ADAMTSL1: variants seen among roughly 807,000 people sequenced by gnomAD.
ADAMTSL1 encodes ADAMTS-like protein 1.
A neutral mutation model predicts 201.8 loss-of-function variants in ADAMTSL1; 126 were observed. The ratio of observed to expected loss-of-function variants is 0.62; its 90% CI spans 0.54 to 0.72. The LOEUF is 0.72. Ranked by LOEUF, ADAMTSL1 falls within the 30% of genes least tolerant of loss-of-function variation. ADAMTSL1 has a pLI of 0.00. For synonymous variants in ADAMTSL1, 1,121 were observed against 903.4 expected, an observed-to-expected ratio of 1.24 and a Z score of -4.32; for missense variants, 2,679 against 2,277.8, an observed-to-expected ratio of 1.18 and a Z score of -3.59.
chr9:18,368,747 T>C (rs969158015), intron 2 of ADAMTSL1, among the ~76,000 whole-genome samples: 4 of 152,252 alleles, frequency 2.6e-5, no homozygotes, highest in African/African-American at 4.8e-5. Context: ...GTGAATATGT[T>C]TGATCAGTTT....
chr9:18,869,189 C>T (rs115287293), intron 23 of ADAMTSL1, among the ~76,000 whole-genome samples: 1,560 of 152,320 alleles, frequency 0.01, 25 homozygotes, highest in African/African-American at 0.036. Flanking sequence ...GAAACAGATT[C>T]TTCTCTCACA....
chr9:18,576,351 G>C (rs1020172622), intron 4 of ADAMTSL1, among the ~76,000 whole-genome samples: 9 of 152,180 alleles, frequency 5.9e-5, no homozygotes, highest in Admixed American at 5.9e-4. Context: ...GGTAGTTTGG[G>C]AGAGAAACAT....
chr9:18,257,190 T>A (rs572134604), intron 2 of ADAMTSL1, among the ~76,000 whole-genome samples: 34 of 152,312 alleles, frequency 2.2e-4, no homozygotes, highest in African/African-American at 7.5e-4. Context: ...ATTCTTTAAA[T>A]TTTCATATTT....
chr9:18,633,974 T>A (rs1351191690), intron 5 of ADAMTSL1, among the ~76,000 whole-genome samples: 3 of 152,146 alleles, frequency 2.0e-5, no homozygotes, highest in African/African-American at 7.2e-5. Flanking sequence ...AAAATAATGT[T>A]TACAGAATAC....
intron 2 of ADAMTSL1, among the ~76,000 whole-genome samples, chr9:18,329,826 T>TAA (rs1330072559): frequency 2.6e-5 from 4 of 152,226 alleles, no homozygotes; most frequent in Non-Finnish European, 5.9e-5. Flanking sequence ...TCTTTGTTCT[T>TAA]TGCTTTGTAT....
In ADAMTSL1 at chr9:18,474,197, T is replaced by C; in HGVS notation, c.-36T>C. ...GGCAGAGGAGCACTTAGCAGCTTAT[T>C]CAGTGTCCGATTCTGATTCCGGCAA... On this transcript the variant is annotated 5_prime_UTR_variant, in exon 1 of 29. Transcript: ENST00000380548. The C allele has an allele frequency of 6.2e-7, 1 of 1,610,290 alleles. No homozygotes were observed. Among genetic ancestry groups the C allele is most frequent in the Non-Finnish European group, 8.5e-7 (1 of 1,176,706 alleles).
chr9:17,935,312 A>G (rs1309508567), intron 1 of ADAMTSL1, among the ~76,000 whole-genome samples: 1 of 152,096 alleles, frequency 6.6e-6, no homozygotes, highest in South Asian at 2.1e-4. Context: ...CCCCGGCACC[A>G]GTTCTTGGAC....
intron 1 of ADAMTSL1, among the ~76,000 whole-genome samples, chr9:18,055,101 G>A (rs1260479948): frequency 6.6e-6 from 1 of 152,140 alleles, no homozygotes; most frequent in East Asian, 1.9e-4. Flanking sequence ...GCATGCACAT[G>A]GTCTCTGCTG....
intron 22 of ADAMTSL1, among the ~76,000 whole-genome samples, chr9:18,827,201 A>C (rs1317064395): frequency 6.6e-6 from 1 of 152,132 alleles, no homozygotes; most frequent in East Asian, 1.9e-4. Context: ...TCTCAAAAAA[A>C]AGAGCAATTA....
intron 20 of ADAMTSL1, among the ~76,000 whole-genome samples, chr9:18,811,379 A>AGAG (rs1823499513): frequency 6.6e-6 from 1 of 152,160 alleles, no homozygotes. Flanking sequence ...GGGGTGGTGT[A>AGAG]GAGGAGGTCT....
At chr9:18,141,408 C>T (rs1826393542) in intron 1 of ADAMTSL1, among the ~76,000 whole-genome samples, 1 of 152,140 alleles carries the variant, frequency 6.6e-6, no homozygotes, top group South Asian at 2.1e-4. Flanking sequence ...CCCAGAACAC[C>T]AGGCCAGCTT....
At chr9:17,976,947 T>C (rs1435412139) in intron 1 of ADAMTSL1, among the ~76,000 whole-genome samples, 1 of 152,082 alleles carries the variant, frequency 6.6e-6, no homozygotes, top group African/African-American at 2.4e-5. Context: ...CTGTTGAGTA[T>C]GGTGTTAGTT....
chr9:18,436,607 C>A (rs1293840978), intron 2 of ADAMTSL1, among the ~76,000 whole-genome samples: 2 of 152,184 alleles, frequency 1.3e-5, no homozygotes, highest in Admixed American at 1.3e-4. Flanking sequence ...CTCCTTTAAA[C>A]TGCCCTTGCC....
At chr9:17,939,182 C>T (rs1300341910) in intron 1 of ADAMTSL1, among the ~76,000 whole-genome samples, 1 of 152,114 alleles carries the variant, frequency 6.6e-6, no homozygotes, top group Non-Finnish European at 1.5e-5. Context: ...CTCTTTATCT[C>T]CAAACCATTT....
chr9:18,298,187 G>A (rs1417192138), intron 2 of ADAMTSL1, among the ~76,000 whole-genome samples: 3 of 152,132 alleles, frequency 2.0e-5, no homozygotes, highest in African/African-American at 7.2e-5. Context: ...AAACTCCTGA[G>A]AGACTCCAAT....
At chr9:18,504,310 A>G (rs1289530236) in intron 1 of ADAMTSL1, among the ~76,000 whole-genome samples, 1 of 152,208 alleles carries the variant, frequency 6.6e-6, no homozygotes, top group Non-Finnish European at 1.5e-5. Context: ...GTGCATTGCT[A>G]AAGTTATTTG....
At chr9:18,428,621 C>A (rs1379326031) in intron 2 of ADAMTSL1, among the ~76,000 whole-genome samples, 9 of 151,724 alleles carry the variant, frequency 5.9e-5, no homozygotes, top group Admixed American at 4.6e-4. Context: ...AAGAAAAAAA[C>A]AAAAAACAAG....
At chr9:18,632,887 T>C (rs1198620705) in intron 5 of ADAMTSL1, among the ~76,000 whole-genome samples, 1 of 152,186 alleles carries the variant, frequency 6.6e-6, no homozygotes, top group Non-Finnish European at 1.5e-5. Context: ...GAAATACTAT[T>C]TCACCTGGTC....
At chr9:18,404,891 G>T (rs371957160) in intron 2 of ADAMTSL1, among the ~76,000 whole-genome samples, 3 of 152,032 alleles carry the variant, frequency 2.0e-5, no homozygotes, top group Admixed American at 6.6e-5. Context: ...GTTGTATCTT[G>T]TTGTTCCACA....
Sources: allele counts gnomAD v4.1 joint callset (sites outside exome capture counted in the v4.1 genomes callset), GRCh38; gene constraint gnomAD v4.1.1; transcripts MANE v1.5; gene names NCBI Gene and HGNC (gene_info 2026-07-23, HGNC 2026-07-21).